The following RPRD2 variants were observed in gnomAD, a reference collection of about 807,000 sequenced individuals.
RPRD2 encodes regulation of nuclear pre-mRNA domain containing 2, also known as regulation of nuclear pre-mRNA domain-containing protein 2.
RPRD2 carries 12 observed loss-of-function variants against 104.4 expected under a neutral mutation model. The ratio of observed to expected loss-of-function variants is 0.11; its 90% CI spans 0.07 to 0.19. RPRD2 has a LOEUF of 0.19. Ranked by LOEUF, RPRD2 falls within the 10% of genes least tolerant of loss-of-function variation. The probability of loss-of-function intolerance (pLI) is 1.00; values close to 1 mark genes in which losing one functional copy is unlikely to be tolerated. For missense variants in RPRD2, 1,543 were observed against 1,790.1 expected, an observed-to-expected ratio of 0.86 and a Z score of 2.49; for synonymous variants, 714 against 684.9, an observed-to-expected ratio of 1.04 and a Z score of -0.66.
Position 150,430,231 on chromosome 1 carries a change from G to T in RPRD2, c.336-10692G>T, listed in dbSNP as rs1367769074. Among the ~76,000 whole-genome samples the T allele has an allele frequency of 2.0e-5, 3 of 152,256 alleles. No individual in the cohort carries two copies. In the East Asian group the frequency reaches 5.8e-4, roughly 29 times the overall value. ...TAATGTATATGAAATGTTAGAGGAA[G>T]ATTAAATGGAATAACAAAATGAACA... On this transcript the variant is annotated intron_variant, in intron 2 of 10. Transcript: ENST00000369068.
In RPRD2 at chr1:150,456,646, C is replaced by T. The variant is rs1027495400; in HGVS notation, c.871-642C>T. Among the ~76,000 whole-genome samples, 5 of 151,336 alleles carry T rather than the reference C, an allele frequency of 3.3e-5. No homozygotes were observed. The East Asian group carries it at 7.8e-4, about 24-fold the overall frequency. On this transcript the variant is annotated intron_variant, in intron 7 of 10. Transcript: ENST00000369068. ...TTTATTTAAAAAAAAAAAAAGCAGC[C>T]GAGCACGGTGACTCAAGCCTGTAAT...
In RPRD2 at chr1:150,364,655, C is replaced by CCG. The variant is rs1659689779; in HGVS notation, c.-59_-58insGC. 5.6e-6 allele frequency: 5 copies of CCG among 895,788 alleles called. No individual in the cohort carries two copies. The African/African-American group carries it at 8.7e-5, about 16-fold the overall frequency. The allele number at this position is 895,788 out of a possible 1,614,324, so 55.5% of individuals were successfully genotyped here. Reference sequence around the variant, plus strand: ...ACTCGCAGTGATTGTTTTGCCCGCTCCCGCCGCCGCCGCCGCCGCCGCCGC... The same window carrying CCG: ...ACTCGCAGTGATTGTTTTGCCCGCTCCGCCGCCGCCGCCGCCGCCGCCGCCGC... On this transcript the variant is annotated 5_prime_UTR_variant, in exon 1 of 11. Coordinates refer to ENST00000369068, the MANE Select transcript of RPRD2 (RefSeq NM_015203.5).
At chr1:150,452,158 AAGAG>A (rs869085085) in intron 7 of RPRD2, among the ~76,000 whole-genome samples, 19 of 97,956 alleles carry the variant, frequency 1.9e-4, no homozygotes, top group South Asian at 4.7e-4. Context: ...AAAAAAAAAA[AAGAG>A]AGAGAGAGAA....
At chr1:150,423,290 C>T (rs1664887259) in intron 2 of RPRD2, among the ~76,000 whole-genome samples, 1 of 152,188 alleles carries the variant, frequency 6.6e-6, no homozygotes, top group Admixed American at 6.5e-5. Flanking sequence ...CCAGCAACGA[C>T]TTCAATAAGT....
intron 10 of RPRD2, 24 bp from the exon 11 acceptor site, chr1:150,470,537 C>T: frequency 6.3e-7 from 1 of 1,595,212 alleles, no homozygotes; most frequent in East Asian, 2.2e-5. Flanking sequence ...TTCTTTTTAA[C>T]CCCTCTAATC....
chr1:150,452,661 CTTTTTT>C (rs782322743), intron 7 of RPRD2, among the ~76,000 whole-genome samples: 2 of 71,220 alleles, frequency 2.8e-5, no homozygotes, highest in Non-Finnish European at 2.5e-5. Context: ...GACATATCCC[CTTTTTT>C]TTTTTTTTTT....
chr1:150,399,756 CAA>C (rs35551359), intron 1 of RPRD2, among the ~76,000 whole-genome samples: 4 of 127,014 alleles, frequency 3.1e-5, no homozygotes, highest in Non-Finnish European at 4.9e-5. Flanking sequence ...GACCCCATCT[CAA>C]AAAAAAAAAA....
intron 1 of RPRD2, among the ~76,000 whole-genome samples, chr1:150,383,306 GTTT>G (rs1553881149): frequency 9.5e-5 from 12 of 126,706 alleles, no homozygotes; most frequent in Admixed American, 8.3e-5. Context: ...CAAATAAGAG[GTTT>G]TTTTTTTTTT....
intron 1 of RPRD2, among the ~76,000 whole-genome samples, chr1:150,408,725 A>G (rs1337170190): frequency 6.6e-6 from 1 of 152,224 alleles, no homozygotes; most frequent in Non-Finnish European, 1.5e-5. Flanking sequence ...TATCCACGTA[A>G]TATGGATGCA....
intron 1 of RPRD2, among the ~76,000 whole-genome samples, chr1:150,408,545 C>T (rs1264127085): frequency 6.6e-6 from 1 of 152,160 alleles, no homozygotes; most frequent in Non-Finnish European, 1.5e-5. Flanking sequence ...CTCATGCAAG[C>T]ATCTTCATGT....
At position 150,401,651 on chromosome 1, in the gene RPRD2, G is replaced by GT. The variant is rs1305874614; in HGVS notation, c.206-15935dup. 8.6e-3 allele frequency among the ~76,000 whole-genome samples: 1,248 copies of GT among 144,878 alleles called. 19 individuals are homozygous for GT. The highest frequency in any genetic ancestry group is 0.028 in the African/African-American group (1,094 of 39,652). On this transcript the variant is annotated intron_variant, in intron 1 of 10. Transcript: ENST00000369068. Reference sequence around the variant, plus strand: ...ATAGTACTTTTGATGGTTTTGTTTTGTTTTTTTTTTGAGACGGAGTGTCAC... The same window carrying GT: ...ATAGTACTTTTGATGGTTTTGTTTTGTTTTTTTTTTTGAGACGGAGTGTCAC...
At chr1:150,463,723 C>T (rs1395301204) in intron 9 of RPRD2, among the ~76,000 whole-genome samples, 3 of 152,172 alleles carry the variant, frequency 2.0e-5, no homozygotes, top group Non-Finnish European at 4.4e-5. Context: ...AAGCATATAA[C>T]TTACCAGTCA....
At chr1:150,427,550 A>G (rs1355875100) in intron 2 of RPRD2, among the ~76,000 whole-genome samples, 7 of 152,004 alleles carry the variant, frequency 4.6e-5, no homozygotes, top group African/African-American at 1.4e-4. Flanking sequence ...TGTAATCCCA[A>G]TACATTGGGA....
chr1:150,397,669 A>G (rs1328947028), intron 1 of RPRD2, among the ~76,000 whole-genome samples: 3 of 152,218 alleles, frequency 2.0e-5, no homozygotes, highest in African/African-American at 7.2e-5. Context: ...TTCCATTTTA[A>G]GGATGTTTCA....
chr1:150,364,934 T>A lies in RPRD2; in HGVS notation c.205+15T>A, dbSNP rs782191081. 23 of 1,611,322 alleles carry A rather than the reference T, an allele frequency of 1.4e-5. No homozygotes were observed. The highest frequency in any genetic ancestry group is 2.2e-5 in the East Asian group (1 of 44,790). On this transcript the variant is annotated intron_variant, in intron 1 of 10. Transcript: ENST00000369068. ...GCTCCGGAGATGTGAGTGTTGGGGG[T>A]GACTAGGGAAGGGAAGACTGGGGAA...
intron 2 of RPRD2, among the ~76,000 whole-genome samples, chr1:150,434,030 A>T (rs1475251814): frequency 1.3e-5 from 2 of 152,108 alleles, no homozygotes; most frequent in Non-Finnish European, 2.9e-5. Flanking sequence ...AGTTAGCAAT[A>T]AGGATGGTGA....
intron 1 of RPRD2, among the ~76,000 whole-genome samples, chr1:150,388,797 G>A (rs936698371): frequency 1.3e-5 from 2 of 151,776 alleles, no homozygotes; most frequent in African/African-American, 4.8e-5. Flanking sequence ...AGTAGAGGCG[G>A]GGTTTCACCA....
At chr1:150,396,025 C>T (rs2264417) in intron 1 of RPRD2, among the ~76,000 whole-genome samples, 91,035 of 151,990 alleles carry the variant, frequency 0.6, 27,781 homozygotes, top group African/African-American at 0.65. Context: ...ATTTTTTGAT[C>T]ATGGCCACTC....
At chr1:150,398,962 A>C (rs960304192) in intron 1 of RPRD2, among the ~76,000 whole-genome samples, 24 of 152,290 alleles carry the variant, frequency 1.6e-4, no homozygotes, top group African/African-American at 5.8e-4. Context: ...CAAAGTCATA[A>C]AGAATTTCTT....
Sources: allele counts gnomAD v4.1 joint callset (sites outside exome capture counted in the v4.1 genomes callset), GRCh38; gene constraint gnomAD v4.1.1; transcripts MANE v1.5; gene names NCBI Gene and HGNC (gene_info 2026-07-23, HGNC 2026-07-21).